UBALD1: variants seen among roughly 807,000 people sequenced by gnomAD.
The protein encoded by UBALD1 is UBA-like domain-containing protein 1.
UBALD1 carries 5 observed loss-of-function variants against 16.1 expected under a neutral mutation model. The observed-to-expected ratio is 0.31, with a 90% CI of 0.16 to 0.66. UBALD1 has a LOEUF of 0.66. Among genes scored for constraint, UBALD1 ranks in the 30% least tolerant of loss-of-function variants. UBALD1 has a pLI of 0.77. For missense variants in UBALD1, 220 were observed against 252.8 expected (o/e 0.87, Z 0.88); for synonymous variants, 146 against 105.3 (o/e 1.39, Z -2.37).
intron 1 of UBALD1, among the ~76,000 whole-genome samples, chr16:4,611,931 C>T (rs766779356): frequency 3.3e-5 from 5 of 152,118 alleles, no homozygotes; most frequent in South Asian, 2.1e-4. Context: ...GTGCCCCTAC[C>T]GCCACCCCTC....
At chr16:4,610,856 AC>A (rs1897350352) in intron 1 of UBALD1, 2 of 447,876 alleles carry the variant, frequency 4.5e-6, no homozygotes, top group Admixed American at 3.9e-5. Flanking sequence ...TGGCACCAGC[AC>A]CATGACTGGG....
At chr16:4,610,432 C>T (rs950660877) in intron 2 of UBALD1, 61 bp downstream of exon 2, 228 of 1,535,026 alleles carry the variant, frequency 1.5e-4, no homozygotes, top group Non-Finnish European at 1.9e-4. Flanking sequence ...GCTGCTTATA[C>T]ACAGAACTAG....
At chr16:4,614,395 A>T in intron 1 of UBALD1, 1 of 346,842 alleles carries the variant, frequency 2.9e-6, no homozygotes, top group Non-Finnish European at 4.9e-6. Context: ...CTCGGCCGTT[A>T]CCCGGACAAA....
In UBALD1 at chr16:4,609,866, C is replaced by G; in HGVS notation, c.301G>C (p.Ala101Pro). The change falls in exon 3 of 3, where the codon GCC becomes CCC. Residue 101 changes from alanine to proline, a missense_variant. Ala to Pro is a conservative substitution (Grantham distance 27). Transcript: ENST00000283474. ...FHSGGSGSPMAATATSPPPHF... is the reference protein window; with the variant it reads ...FHSGGSGSPMPATATSPPPHF... ...GGCGGGGGTGACGTGGCTGTCGCGG[C>G]CATCGGGCTGCCGCTGCCACCGCTG... 6.5e-7 allele frequency: 1 copy of G among 1,528,700 alleles called. No individual in the cohort carries two copies. The highest frequency in any genetic ancestry group is 8.8e-7 in the Non-Finnish European group (1 of 1,137,206). The allele number at this position is 1,528,700 out of a possible 1,614,324, so 94.7% of individuals were successfully genotyped here. A position where few individuals can be genotyped will look rare whatever the true frequency, so the allele number is the denominator to read the frequency against.
intron 1 of UBALD1, among the ~76,000 whole-genome samples, chr16:4,612,727 G>A (rs111871113): frequency 1.3e-5 from 2 of 152,154 alleles, no homozygotes; most frequent in South Asian, 2.1e-4. Flanking sequence ...CAGCCAGCGG[G>A]TGGAGCGTGG....
Position 4,611,986 on chromosome 16 carries a change from G to A in UBALD1, c.121-1431C>T, listed in dbSNP as rs116705165. Among the ~76,000 whole-genome samples the A allele has an allele frequency of 2.7e-3, 405 of 152,086 alleles. 1 individual carries two copies. Among genetic ancestry groups the A allele is most frequent in the African/African-American group, 9.5e-3 (395 of 41,506 alleles). On this transcript the variant is annotated intron_variant, in intron 1 of 2. Coordinates refer to ENST00000283474, the MANE Select transcript of UBALD1 (RefSeq NM_145253.3). The stretch of plus-strand genomic sequence containing the variant: ...CAGCTTGACTTCCTGGCCCTCCCAG[G>A]CCCAGCACACCCAGAAATCCAGCCT...
At chr16:4,614,538 G>A (rs1186081059) in intron 1 of UBALD1, 140 bp downstream of exon 1, 3 of 1,302,928 alleles carry the variant, frequency 2.3e-6, no homozygotes, top group South Asian at 1.8e-5. Flanking sequence ...GGGCACCGCC[G>A]TCGGGAAAGC....
chr16:4,610,675 G>T, intron 1 of UBALD1, 120 bp from the exon 2 acceptor site: 2 of 1,130,368 alleles, frequency 1.8e-6, no homozygotes, highest in Non-Finnish European at 2.5e-6. Context: ...TGGGAGGGGT[G>T]AGTCGCGGTG....
At chr16:4,611,095 G>GC (rs922235434) in intron 1 of UBALD1, 63 of 181,726 alleles carry the variant, frequency 3.5e-4, no homozygotes, top group Admixed American at 2.2e-3. Context: ...GCCCCACCCA[G>GC]CTCTGCTTCT....
chr16:4,609,968 TGGC>T lies in UBALD1; in HGVS notation c.196_198del (p.Ala66del). ...AAGTTGGGGGGTGTAGCAGGGGTAT[TGGC>T]GGGGGTGCACATCTGTGAGGGGAAG... On this transcript the variant is annotated inframe_deletion, in exon 3 of 3. Transcript: ENST00000283474. 3 of 1,445,748 alleles carry T rather than the reference TGGC, an allele frequency of 2.1e-6. No homozygotes were observed. The highest frequency in any genetic ancestry group is 2.8e-6 in the Non-Finnish European group (3 of 1,086,384). The allele number at this position is 1,445,748 out of a possible 1,614,324, so 89.6% of individuals were successfully genotyped here.
chr16:4,610,627 C>T (rs766202006), intron 1 of UBALD1, 72 bp from the exon 2 acceptor site: 3 of 1,535,730 alleles, frequency 2.0e-6, no homozygotes, highest in South Asian at 1.2e-5. Flanking sequence ...TTCCCAGGCT[C>T]CTCTGAGGCT....
chr16:4,613,525 C>T (rs1897383150), intron 1 of UBALD1, among the ~76,000 whole-genome samples: 1 of 152,184 alleles, frequency 6.6e-6, no homozygotes. Context: ...AGCGGAGCCT[C>T]AGAGTCCTCT....
chr16:4,612,592 C>T (rs1284868387), intron 1 of UBALD1, among the ~76,000 whole-genome samples: 1 of 152,090 alleles, frequency 6.6e-6, no homozygotes, highest in Non-Finnish European at 1.5e-5. Context: ...CTGCAGGCCG[C>T]TGTGAGCATT....
intron 1 of UBALD1, among the ~76,000 whole-genome samples, chr16:4,613,641 C>T (rs1260039545): frequency 6.6e-6 from 1 of 152,144 alleles, no homozygotes; most frequent in African/African-American, 2.4e-5. Flanking sequence ...AGGCCATGAC[C>T]CTACCCCTGT....
intron 1 of UBALD1, 178 bp downstream of exon 1, chr16:4,614,500 C>A: frequency 8.9e-7 from 1 of 1,118,470 alleles, no homozygotes; most frequent in Non-Finnish European, 1.2e-6. Flanking sequence ...CACCTCCGCC[C>A]GCCGCGAGCC....
chr16:4,611,698 G>C (rs2141785118), intron 1 of UBALD1, among the ~76,000 whole-genome samples: 1 of 152,334 alleles, frequency 6.6e-6, no homozygotes, highest in Middle Eastern at 3.4e-3. Flanking sequence ...TGTCAGCTCA[G>C]CAGGCTCCAG....
chr16:4,614,833 C>T lies in UBALD1; in HGVS notation c.-36G>A. The T allele has an allele frequency of 1.4e-6, 2 of 1,461,218 alleles. No individual in the cohort carries two copies. Among genetic ancestry groups the T allele is most frequent in the South Asian group, 1.4e-5 (1 of 70,842 alleles). 90.5% of individuals were successfully genotyped at this position (1,461,218 alleles called of 1,614,324 possible). Reference sequence around the variant, plus strand: ...CGCTGCCCGCTCCGGCCTCCCTCCTCCGCCCGCGCCTCCGCCTCACGCGTC... The same window carrying T: ...CGCTGCCCGCTCCGGCCTCCCTCCTTCGCCCGCGCCTCCGCCTCACGCGTC... On this transcript the variant is annotated 5_prime_UTR_variant, in exon 1 of 3. Transcript: ENST00000283474.
Position 4,609,758 on chromosome 16 carries a change from G to A in UBALD1, c.409C>T (p.His137Tyr). Residue 137 changes from histidine (H) to tyrosine (Y), a missense_variant, in exon 3 of 3, where the codon CAC becomes TAC. By Grantham distance (83) the His-to-Tyr change is moderately conservative. Transcript: ENST00000283474. ...AASPPGGPQH[H>Y]QPQPPLWTPT... Reference sequence around the variant, plus strand: ...GTCCACAGGGGCGGCTGTGGCTGGTGGTGCTGTGGGCCCCCCGGGGGCGAG... The same window carrying A: ...GTCCACAGGGGCGGCTGTGGCTGGTAGTGCTGTGGGCCCCCCGGGGGCGAG... The A allele has an allele frequency of 1.5e-5, 22 of 1,506,074 alleles. No homozygotes were observed. The highest frequency in any genetic ancestry group is 1.9e-5 in the Non-Finnish European group (21 of 1,131,042). The allele number at this position is 1,506,074 out of a possible 1,614,324, so 93.3% of individuals were successfully genotyped here.
At chr16:4,610,621 C>T (rs750324372) in intron 1 of UBALD1, 66 bp from the exon 2 acceptor site, 9 of 1,550,580 alleles carry the variant, frequency 5.8e-6, no homozygotes, top group East Asian at 2.3e-5. Flanking sequence ...CCCTTGTTCC[C>T]AGGCTCCTCT....
Sources: gnomAD v4.1 joint callset for allele counts (sites outside exome capture counted in the v4.1 genomes callset) on GRCh38, gnomAD v4.1.1 for gene constraint, MANE v1.5 for transcripts, NCBI Gene and HGNC (gene_info 2026-07-23, HGNC 2026-07-21) for gene names.